Variants in MAK16 observed in about 807,000 individuals in gnomAD.
The protein encoded by MAK16 is protein MAK16 homolog.
Under a neutral mutation model 49.9 loss-of-function variants are expected in MAK16, and 12 were observed. That is an observed-to-expected ratio of 0.24 (90% CI 0.15 to 0.39). The LOEUF (loss-of-function observed/expected upper bound fraction) is 0.39. Ranked by LOEUF, MAK16 falls within the 10% of genes least tolerant of loss-of-function variation. MAK16 has a pLI of 1.00. For missense variants in MAK16, 292 were observed against 363.7 expected, an observed-to-expected ratio of 0.80 and a Z score of 1.60; for synonymous variants, 115 against 126.4, an observed-to-expected ratio of 0.91 and a Z score of 0.60.
intron 9 of MAK16, 58 bp from the exon 10 acceptor site, chr8:33,498,374 G>A: frequency 6.7e-7 from 1 of 1,490,924 alleles, no homozygotes. Flanking sequence ...ACAAGGAAGG[G>A]AGTTTGGAGA....
In MAK16 at chr8:33,488,446, C is replaced by G. The variant is rs777296639; in HGVS notation, c.65+19C>G. ...AAATAAGGTGAGTCTCAATTTACAA[C>G]TTGGTCAAAGATTCCTTCAGTTGCC... On this transcript the variant is annotated intron_variant, in intron 2 of 9. Coordinates refer to ENST00000360128, the MANE Select transcript of MAK16 (RefSeq NM_032509.4). 1.2e-6 allele frequency: 2 copies of G among 1,614,072 alleles called. No homozygotes were observed. Among genetic ancestry groups the G allele is most frequent in the Non-Finnish European group, 1.7e-6 (2 of 1,179,926 alleles).
Position 33,498,637 on chromosome 8 carries a change from T to G in MAK16, c.*8T>G. ...AAAGCCAAAACCACGTGATTTCCCT[T>G]TCAGCATTTATACCCAGGACTGAAC... On this transcript the variant is annotated 3_prime_UTR_variant, in exon 10 of 10. Transcript: ENST00000360128. The G allele has an allele frequency of 6.2e-7, 1 of 1,612,082 alleles. No homozygotes were observed. The highest frequency in any genetic ancestry group is 2.2e-5 in the East Asian group (1 of 44,860).
rs1448983004 is a variant in MAK16, at chr8:33,499,953, CTATT to C, written c.*1328_*1331del. On this transcript the variant is annotated 3_prime_UTR_variant, in exon 10 of 10. Coordinates refer to ENST00000360128, the MANE Select transcript of MAK16 (RefSeq NM_032509.4). The stretch of plus-strand genomic sequence containing the variant: ...AAAAACTGGAAACATCTGAAATGCT[CTATT>C]TATGTTATTATTCCTGGGAGCTTAT... The C allele has an allele frequency of 1.2e-5, 2 of 161,156 alleles. No individual in the cohort carries two copies. The highest frequency in any genetic ancestry group is 2.7e-5 in the Non-Finnish European group (2 of 74,202). 10.0% of individuals were successfully genotyped at this position (161,156 alleles called of 1,614,324 possible).
At position 33,489,252 on chromosome 8, in the gene MAK16, A is replaced by C; in HGVS notation, c.392+113A>C. ...TCTATTCAACTTTGTGGAGTCTGTTATGATGTACTAAAGAGAAACTTTAGC... is the reference window on the plus strand; with the variant it reads ...TCTATTCAACTTTGTGGAGTCTGTTCTGATGTACTAAAGAGAAACTTTAGC... On this transcript the variant is annotated intron_variant, in intron 5 of 9. Coordinates refer to ENST00000360128, the MANE Select transcript of MAK16 (RefSeq NM_032509.4). The surrounding 1 kb of genome is among the most constrained non-coding windows in gnomAD (Gnocchi z 4.2). 1 of 906,898 alleles carries C rather than the reference A, an allele frequency of 1.1e-6. No individual in the cohort carries two copies. Among genetic ancestry groups the C allele is most frequent in the Non-Finnish European group, 1.7e-6 (1 of 602,262 alleles). 56.2% of individuals were successfully genotyped at this position (906,898 alleles called of 1,614,324 possible). A position where few individuals can be genotyped will look rare whatever the true frequency, so the allele number is the denominator to read the frequency against.
At chr8:33,485,376 AC>A in intron 1 of MAK16, 155 bp downstream of exon 1, 1 of 986,832 alleles carries the variant, frequency 1.0e-6, no homozygotes, top group Admixed American at 2.0e-5. Flanking sequence ...ATAGGTTCTC[AC>A]GCGTGTCTAG....
intron 6 of MAK16, 125 bp from the exon 7 acceptor site, chr8:33,495,417 T>G: frequency 1.3e-6 from 1 of 756,570 alleles, no homozygotes; most frequent in South Asian, 1.7e-5. Context: ...CAAAAGCCAG[T>G]ATTAGCAAGG....
Position 33,499,094 on chromosome 8 carries a change from CT to C in MAK16, c.*472del, listed in dbSNP as rs563133231. On this transcript the variant is annotated 3_prime_UTR_variant, in exon 10 of 10. Transcript: ENST00000360128. ...CTTACAAAGTTTCGTGTAAAAATAT[CT>C]TTTTTTCTTAAATAACTCCATTCAT... 3.9e-3 allele frequency: 4,862 copies of C among 1,232,088 alleles called. 13 individuals are homozygous for C. The highest frequency in any genetic ancestry group is 5.2e-3 in the Non-Finnish European group (4,347 of 841,866). 76.3% of individuals were successfully genotyped at this position (1,232,088 alleles called of 1,614,324 possible).
At chr8:33,493,582 G>T (rs1238869143) in intron 6 of MAK16, among the ~76,000 whole-genome samples, 1 of 152,182 alleles carries the variant, frequency 6.6e-6, no homozygotes, top group African/African-American at 2.4e-5. Flanking sequence ...TTGTAGAGAA[G>T]TGCATTGTTG....
chr8:33,486,068 A>G (rs931815874), intron 1 of MAK16, among the ~76,000 whole-genome samples: 4 of 152,336 alleles, frequency 2.6e-5, no homozygotes, highest in East Asian at 3.9e-4. Context: ...GAATGAATAT[A>G]AGGGTCATCA....
chr8:33,485,296 C>G (rs1453950020), intron 1 of MAK16, 75 bp downstream of exon 1: 22 of 1,591,730 alleles, frequency 1.4e-5, no homozygotes, highest in Non-Finnish European at 1.9e-5. Flanking sequence ...ACTTAGAAAA[C>G]GCGTACGCAG....
intron 7 of MAK16, among the ~76,000 whole-genome samples, chr8:33,496,008 G>A (rs1159369974): frequency 1.3e-5 from 2 of 151,976 alleles, no homozygotes; most frequent in Admixed American, 6.6e-5. Context: ...ATCTCCACTC[G>A]AATTTTATCC....
chr8:33,498,664 T>C lies in MAK16; in HGVS notation c.*35T>C. 1.4e-6 allele frequency: 2 copies of C among 1,460,474 alleles called. No homozygotes were observed. Among genetic ancestry groups the C allele is most frequent in the Non-Finnish European group, 1.9e-6 (2 of 1,072,674 alleles). The allele number at this position is 1,460,474 out of a possible 1,614,324, so 90.5% of individuals were successfully genotyped here. A position where few individuals can be genotyped will look rare whatever the true frequency, so the allele number is the denominator to read the frequency against. The stretch of plus-strand genomic sequence containing the variant: ...CAGCATTTATACCCAGGACTGAACA[T>C]GCAGAACTGTTTTTTTTTTTTTTTT... On this transcript the variant is annotated 3_prime_UTR_variant, in exon 10 of 10. Coordinates refer to ENST00000360128, the MANE Select transcript of MAK16 (RefSeq NM_032509.4).
rs149256027 is a variant in MAK16, at chr8:33,489,821, G to T, written c.393-464G>T. Among the ~76,000 whole-genome samples the T allele has an allele frequency of 8.5e-5, 13 of 152,276 alleles. No homozygotes were observed. Among genetic ancestry groups the T allele is most frequent in the Admixed American group, 2.0e-4 (3 of 15,290 alleles). On this transcript the variant is annotated intron_variant, in intron 5 of 9. Coordinates refer to ENST00000360128, the MANE Select transcript of MAK16 (RefSeq NM_032509.4). The surrounding 1 kb of genome is among the most constrained non-coding windows in gnomAD (Gnocchi z 4.2). ...TTTTAAAAGTGATATGAAATCCCCA[G>T]AATTAACAGAATACCTTCTCTAGGA...
chr8:33,493,793 A>G (rs998617797), intron 6 of MAK16, among the ~76,000 whole-genome samples: 4 of 152,166 alleles, frequency 2.6e-5, no homozygotes, highest in African/African-American at 9.7e-5. Context: ...AGAGTTTTAA[A>G]TGCATTACAA....
At position 33,498,691 on chromosome 8, in the gene MAK16, T is replaced by G; in HGVS notation, c.*62T>G. The stretch of plus-strand genomic sequence containing the variant: ...CAGAACTGTTTTTTTTTTTTTTTTA[T>G]CTTAAACACATACACACCTCCAGTT... On this transcript the variant is annotated 3_prime_UTR_variant, in exon 10 of 10. Transcript: ENST00000360128. The G allele has an allele frequency of 8.1e-7, 1 of 1,237,976 alleles. No homozygotes were observed. The highest frequency in any genetic ancestry group is 1.4e-5 in the South Asian group (1 of 73,764). The allele number at this position is 1,237,976 out of a possible 1,614,324, so 76.7% of individuals were successfully genotyped here. A position where few individuals can be genotyped will look rare whatever the true frequency, so the allele number is the denominator to read the frequency against.
chr8:33,491,026 A>G (rs1808769498), intron 6 of MAK16, among the ~76,000 whole-genome samples: 1 of 152,140 alleles, frequency 6.6e-6, no homozygotes, highest in South Asian at 2.1e-4. Context: ...ATAAGTGAAA[A>G]TGTGCAGTGT....
rs776551415 is a variant in MAK16, at chr8:33,490,272, T to G, written c.393-13T>G. 7.5e-6 allele frequency: 12 copies of G among 1,607,956 alleles called. No individual in the cohort carries two copies. The South Asian group carries it at 9.9e-5, about 13-fold the overall frequency. ...ATGACAGTGGATTTTCTGATATATT[T>G]TCTTTCCCTTAGGAGGAAACTTGTT... On this transcript the variant is annotated splice_polypyrimidine_tract_variant and intron_variant, in intron 5 of 9. Coordinates refer to ENST00000360128, the MANE Select transcript of MAK16 (RefSeq NM_032509.4).
intron 9 of MAK16, among the ~76,000 whole-genome samples, chr8:33,498,053 A>G (rs957184520): frequency 4.0e-5 from 6 of 150,226 alleles, no homozygotes; most frequent in Admixed American, 1.3e-4. Context: ...CTGAGAGCGC[A>G]CCACTACACT....
chr8:33,497,898 C>G (rs142544052), intron 9 of MAK16, among the ~76,000 whole-genome samples: 2,315 of 151,566 alleles, frequency 0.015, 72 homozygotes, highest in African/African-American at 0.053. Flanking sequence ...GAGTTCGAGA[C>G]CAGCCTGGCC....
Sources: gnomAD v4.1 joint callset for allele counts (sites outside exome capture counted in the v4.1 genomes callset) on GRCh38, gnomAD v4.1.1 for gene constraint, Gnocchi (gnomAD v3.1) non-coding constraint, MANE v1.5 for transcripts, NCBI Gene and HGNC (gene_info 2026-07-23, HGNC 2026-07-21) for gene names.